The following MINDY4 variants were observed in gnomAD, a reference collection of about 807,000 sequenced individuals.
The protein encoded by MINDY4 is probable ubiquitin carboxyl-terminal hydrolase MINDY-4.
In MINDY4, 68 loss-of-function variants were observed where a neutral mutation model predicts 87.0. That is an observed-to-expected ratio of 0.78 (90% CI 0.64 to 0.96). The LOEUF (loss-of-function observed/expected upper bound fraction) is 0.96, where lower values mean the gene tolerates loss of function less well. MINDY4 is among the 40% of genes least tolerant of loss of function. MINDY4 has a pLI of 0.00. For synonymous variants in MINDY4, 379 were observed against 363.2 expected (o/e 1.04, Z -0.50); for missense variants, 919 against 928.2 (o/e 0.99, Z 0.13).
At chr7:30,838,879 A>G (rs2128566737) in intron 7 of MINDY4, among the ~76,000 whole-genome samples, 1 of 152,326 alleles carries the variant, frequency 6.6e-6, no homozygotes, top group South Asian at 2.1e-4. Context: ...GGAAGATCAG[A>G]GGACCTCCAA....
At chr7:30,857,764 A>G (rs1789623220) in intron 12 of MINDY4, 1 of 152,174 alleles carries the variant, frequency 6.6e-6, no homozygotes, top group Middle Eastern at 3.2e-3. Flanking sequence ...CACCTTGTTA[A>G]CAAGTACAGC....
At chr7:30,810,539 G>A (rs1352892723) in intron 5 of MINDY4, among the ~76,000 whole-genome samples, 1 of 151,952 alleles carries the variant, frequency 6.6e-6, no homozygotes, top group African/African-American at 2.4e-5. Context: ...ATTAGCTACA[G>A]TTAAAGGGGT....
chr7:30,806,007 A>C (rs1787795028), intron 5 of MINDY4, among the ~76,000 whole-genome samples: 2 of 152,348 alleles, frequency 1.3e-5, no homozygotes, highest in South Asian at 4.1e-4. Flanking sequence ...TGTTACGCTC[A>C]GTAACGATAA....
chr7:30,844,813 G>A (rs1289524115), intron 9 of MINDY4, among the ~76,000 whole-genome samples: 1 of 152,192 alleles, frequency 6.6e-6, no homozygotes, highest in Non-Finnish European at 1.5e-5. Flanking sequence ...TTATGGTTGT[G>A]TGGAAACAGA....
At chr7:30,776,905 G>A (rs1043740053) in intron 1 of MINDY4, among the ~76,000 whole-genome samples, 45 of 152,198 alleles carry the variant, frequency 3.0e-4, no homozygotes, top group African/African-American at 1.1e-3. Context: ...AGTTTGAATG[G>A]GCTGGATGGG....
At chr7:30,783,869 G>A (rs555689601) in intron 3 of MINDY4, among the ~76,000 whole-genome samples, 2 of 152,228 alleles carry the variant, frequency 1.3e-5, no homozygotes, top group Non-Finnish European at 2.9e-5. Flanking sequence ...GGAAAAATCT[G>A]GAAAATAAGC....
chr7:30,844,094 C>G (rs1789128408), intron 9 of MINDY4, among the ~76,000 whole-genome samples: 1 of 152,144 alleles, frequency 6.6e-6, no homozygotes, highest in Non-Finnish European at 1.5e-5. Flanking sequence ...TAGCCCACCC[C>G]CTGGACTGGG....
chr7:30,876,010 G>A (rs1044176471), intron 15 of MINDY4, among the ~76,000 whole-genome samples: 1 of 152,176 alleles, frequency 6.6e-6, no homozygotes, highest in African/African-American at 2.4e-5. Context: ...TAGTTTCCTA[G>A]TGCTGCCTAA....
intron 5 of MINDY4, among the ~76,000 whole-genome samples, chr7:30,821,931 C>T (rs930232962): frequency 6.6e-6 from 1 of 152,140 alleles, no homozygotes; most frequent in Non-Finnish European, 1.5e-5. Flanking sequence ...GTAGACTTTT[C>T]ACTTAAATTC....
chr7:30,846,621 T>C (rs1468602169), intron 9 of MINDY4, among the ~76,000 whole-genome samples: 1 of 152,102 alleles, frequency 6.6e-6, no homozygotes, highest in Non-Finnish European at 1.5e-5. Context: ...CGCAGGACCT[T>C]TCCCTGTCAT....
At chr7:30,862,999 C>A (rs1052972520) in intron 13 of MINDY4, among the ~76,000 whole-genome samples, 1 of 152,152 alleles carries the variant, frequency 6.6e-6, no homozygotes, top group Admixed American at 6.5e-5. Context: ...TGCTGCCCCC[C>A]TCCCCAGCCT....
At chr7:30,776,985 C>T (rs113717087) in intron 1 of MINDY4, among the ~76,000 whole-genome samples, 3 of 39,140 alleles carry the variant, frequency 7.7e-5, no homozygotes, top group South Asian at 7.9e-4. Flanking sequence ...TCTTTTCTTT[C>T]CTTTTCTTCT....
intron 17 of MINDY4, among the ~76,000 whole-genome samples, chr7:30,886,480 C>A (rs893712219): frequency 1.3e-5 from 2 of 152,200 alleles, no homozygotes; most frequent in African/African-American, 2.4e-5. Context: ...TACAGAAAGG[C>A]CTTTGGGCAC....
chr7:30,874,022 A>G (rs1790187403), intron 14 of MINDY4, among the ~76,000 whole-genome samples: 1 of 152,208 alleles, frequency 6.6e-6, no homozygotes, highest in South Asian at 2.1e-4. Context: ...TGAGGGATTT[A>G]TTAACCCCCG....
At chr7:30,772,781 A>G (rs1046477833) in intron 1 of MINDY4, among the ~76,000 whole-genome samples, 4 of 152,198 alleles carry the variant, frequency 2.6e-5, no homozygotes, top group Admixed American at 6.5e-5. Flanking sequence ...TTGGATATCA[A>G]TTGACACACC....
chr7:30,793,425 T>A (rs1222126217), intron 5 of MINDY4, among the ~76,000 whole-genome samples: 2 of 151,590 alleles, frequency 1.3e-5, no homozygotes, highest in East Asian at 3.8e-4. Flanking sequence ...GTTTGCTTTT[T>A]TTTTTTTGGA....
chr7:30,828,476 A>G (rs1788587864), intron 5 of MINDY4, among the ~76,000 whole-genome samples: 1 of 152,146 alleles, frequency 6.6e-6, no homozygotes, highest in Admixed American at 6.5e-5. Flanking sequence ...CACAGAATCG[A>G]CAAGCATCAT....
intron 17 of MINDY4, among the ~76,000 whole-genome samples, chr7:30,883,663 AGCTGTCAGAAGT>A (rs1790541735): frequency 6.6e-6 from 1 of 152,138 alleles, no homozygotes; most frequent in African/African-American, 2.4e-5. Context: ...GTGGTGCGGT[AGCTGTCAGAAGT>A]GCTCCCCTTG....
chr7:30,829,155 C>T, intron 6 of MINDY4, among the ~76,000 whole-genome samples: 1 of 152,200 alleles, frequency 6.6e-6, no homozygotes, highest in East Asian at 1.9e-4. Flanking sequence ...AAGACACAAA[C>T]AGTGAAGGCA....
Sources: gnomAD v4.1 joint callset for allele counts (sites outside exome capture counted in the v4.1 genomes callset) on GRCh38, gnomAD v4.1.1 for gene constraint, MANE v1.5 for transcripts, NCBI Gene and HGNC (gene_info 2026-07-23, HGNC 2026-07-21) for gene names.